The following ANGPT1 variants were observed in gnomAD, a reference collection of about 807,000 sequenced individuals.
The protein encoded by ANGPT1 is angiopoietin-1.
A neutral mutation model predicts 62.2 loss-of-function variants in ANGPT1; 17 were observed. That is an observed-to-expected ratio of 0.27 (90% CI 0.19 to 0.41). The LOEUF (loss-of-function observed/expected upper bound fraction) is 0.41, where lower values mean the gene tolerates loss of function less well. Among genes scored for constraint, ANGPT1 ranks in the 10% least tolerant of loss-of-function variants. The pLI, the probability that ANGPT1 is intolerant of heterozygous loss-of-function variation, is 1.00. For synonymous variants in ANGPT1, 199 were observed against 198.9 expected, an observed-to-expected ratio of 1.00 and a Z score of 0.00; for missense variants, 478 against 594.9, an observed-to-expected ratio of 0.80 and a Z score of 2.04.
rs869079818 is a variant in ANGPT1 at position 107,423,827 on chromosome 8, CTTTTTTTTT to C, written c.297+73426_297+73434del. ...TTCAGGTACCTTTTCCTTTTCCTTT[CTTTTTTTTT>C]TTTTTTTTTTTTTTTTTTTTCTGAG... On this transcript the variant is annotated intron_variant, in intron 1 of 8. Coordinates refer to ENST00000517746, the MANE Select transcript of ANGPT1 (RefSeq NM_001146.5). 1.1e-3 allele frequency among the ~76,000 whole-genome samples: 85 copies of C among 74,476 alleles called. 2 individuals are homozygous for C. The highest frequency in any genetic ancestry group is 5.3e-3 in the South Asian group (8 of 1,504). The allele number at this position is 74,476 out of a possible 152,430, so 48.9% of individuals were successfully genotyped here.
chr8:107,296,385 A>G (rs1814417373), intron 5 of ANGPT1, among the ~76,000 whole-genome samples: 1 of 152,090 alleles, frequency 6.6e-6, no homozygotes, highest in South Asian at 2.1e-4. Flanking sequence ...AAAATAGGAA[A>G]ATTTGATTAA....
At chr8:107,349,647 T>C (rs755849823) in intron 1 of ANGPT1, among the ~76,000 whole-genome samples, 7 of 152,170 alleles carry the variant, frequency 4.6e-5, no homozygotes, top group Non-Finnish European at 1.0e-4. Flanking sequence ...AGCTGCTTTA[T>C]AGATGAGACT....
intron 2 of ANGPT1, among the ~76,000 whole-genome samples, chr8:107,341,031 C>T (rs748018017): frequency 7.9e-5 from 12 of 152,086 alleles, no homozygotes; most frequent in Non-Finnish European, 1.3e-4. Flanking sequence ...GACAATGTGA[C>T]CAAGTATTAC....
intron 3 of ANGPT1, among the ~76,000 whole-genome samples, chr8:107,323,737 C>A (rs751457735): frequency 1.3e-4 from 20 of 152,116 alleles, no homozygotes; most frequent in Admixed American, 4.6e-4. Flanking sequence ...TGCTATGTGT[C>A]AGGTACTGTT....
chr8:107,275,196 G>A (rs1813834987), intron 7 of ANGPT1, among the ~76,000 whole-genome samples: 1 of 152,088 alleles, frequency 6.6e-6, no homozygotes, highest in South Asian at 2.1e-4. Context: ...AAATTGATGT[G>A]AGAAAAGGCC....
intron 1 of ANGPT1, among the ~76,000 whole-genome samples, chr8:107,452,319 G>A (rs544851988): frequency 6.6e-6 from 1 of 151,370 alleles, no homozygotes; most frequent in Non-Finnish European, 1.5e-5. Flanking sequence ...AGAGACCATG[G>A]ACCATCAAGC....
chr8:107,481,840 A>G (rs549842195), intron 1 of ANGPT1, among the ~76,000 whole-genome samples: 3 of 152,298 alleles, frequency 2.0e-5, no homozygotes, highest in African/African-American at 7.2e-5. Flanking sequence ...ACCCACTCTC[A>G]TGAGAACAGC....
chr8:107,352,123 A>T (rs1353510123), intron 1 of ANGPT1, among the ~76,000 whole-genome samples: 1 of 152,208 alleles, frequency 6.6e-6, no homozygotes, highest in Non-Finnish European at 1.5e-5. Flanking sequence ...AAACACAAGC[A>T]TATTGTTACC....
intron 7 of ANGPT1, among the ~76,000 whole-genome samples, chr8:107,272,556 T>C (rs1813761575): frequency 6.6e-6 from 1 of 151,988 alleles, no homozygotes; most frequent in Non-Finnish European, 1.5e-5. Context: ...AATTTTTGTT[T>C]CAAAACTCTG....
intron 1 of ANGPT1, among the ~76,000 whole-genome samples, chr8:107,468,008 A>G (rs1183294889): frequency 1.3e-5 from 2 of 152,116 alleles, no homozygotes; most frequent in African/African-American, 4.8e-5. Flanking sequence ...ACATGTTTGA[A>G]GGCATTTGTG....
chr8:107,354,714 C>A (rs1360474534), intron 1 of ANGPT1, among the ~76,000 whole-genome samples: 1 of 152,130 alleles, frequency 6.6e-6, no homozygotes, highest in South Asian at 2.1e-4. Context: ...GAGCTAGAAT[C>A]TCTGAATCGC....
intron 1 of ANGPT1, among the ~76,000 whole-genome samples, chr8:107,413,003 A>G (rs1418793534): frequency 6.6e-6 from 1 of 152,166 alleles, no homozygotes; most frequent in African/African-American, 2.4e-5. Flanking sequence ...ACAGGTAAAA[A>G]TCAACTAAAA....
At position 107,293,223 on chromosome 8, in the gene ANGPT1, G is replaced by A. The variant is rs550283786; in HGVS notation, c.1038+713C>T. Among the ~76,000 whole-genome samples the A allele has an allele frequency of 2.2e-5, 3 of 136,068 alleles. No homozygotes were observed. In the South Asian group the frequency reaches 7.7e-4, roughly 35 times the overall value. The allele number at this position is 136,068 out of a possible 152,430, so 89.3% of individuals were successfully genotyped here. Reference sequence around the variant, plus strand: ...TGATGATGATGATGATGATGATGATGATGATGATGATGATGCCTGCTGTTA... The same window carrying A: ...TGATGATGATGATGATGATGATGATAATGATGATGATGATGCCTGCTGTTA... On this transcript the variant is annotated intron_variant, in intron 6 of 8. Transcript: ENST00000517746.
At chr8:107,287,058 G>A (rs979767612) in intron 6 of ANGPT1, among the ~76,000 whole-genome samples, 10 of 152,116 alleles carry the variant, frequency 6.6e-5, no homozygotes, top group Non-Finnish European at 1.5e-5. Flanking sequence ...GCTCAGACAT[G>A]TCAAAACTCT....
intron 1 of ANGPT1, among the ~76,000 whole-genome samples, chr8:107,430,475 T>G (rs1347492645): frequency 6.6e-6 from 1 of 152,190 alleles, no homozygotes; most frequent in Non-Finnish European, 1.5e-5. Flanking sequence ...ACCTACAATT[T>G]AAACAAATAT....
At chr8:107,294,917 T>C (rs1397449193) in intron 5 of ANGPT1, 2 of 152,144 alleles carry the variant, frequency 1.3e-5, no homozygotes, top group Non-Finnish European at 2.9e-5. Flanking sequence ...TGGGAAACAC[T>C]ATTTCCTCAA....
At chr8:107,363,087 C>CTT (rs34681033) in intron 1 of ANGPT1, among the ~76,000 whole-genome samples, 3 of 137,676 alleles carry the variant, frequency 2.2e-5, no homozygotes, top group Non-Finnish European at 4.7e-5. Context: ...AACCTGAGTG[C>CTT]TTTTTTTTTT....
chr8:107,366,506 A>T (rs1816276411), intron 1 of ANGPT1, among the ~76,000 whole-genome samples: 1 of 152,200 alleles, frequency 6.6e-6, no homozygotes, highest in African/African-American at 2.4e-5. Flanking sequence ...AGATCATTGT[A>T]TATATGTACA....
At chr8:107,295,697 A>G (rs780184634) in intron 5 of ANGPT1, among the ~76,000 whole-genome samples, 6 of 152,172 alleles carry the variant, frequency 3.9e-5, no homozygotes, top group Admixed American at 6.6e-5. Context: ...AGCAAAGAAA[A>G]TGATCGTAGT....
Sources: gnomAD v4.1 joint callset for allele counts (sites outside exome capture counted in the v4.1 genomes callset) on GRCh38, gnomAD v4.1.1 for gene constraint, MANE v1.5 for transcripts, NCBI Gene and HGNC (gene_info 2026-07-23, HGNC 2026-07-21) for gene names.